Variants in NBPF26 observed in about 807,000 individuals in gnomAD.
The protein encoded by NBPF26 is NBPF family member NBPF26.
In NBPF26, 79 loss-of-function variants were observed where a neutral mutation model predicts 119.6. That is an observed-to-expected ratio of 0.66 (90% CI 0.55 to 0.80). The LOEUF (loss-of-function observed/expected upper bound fraction) is 0.80. Ranked by LOEUF, NBPF26 falls within the 30% of genes least tolerant of loss-of-function variation. NBPF26 has a pLI of 0.00. For missense variants in NBPF26, 800 were observed against 1,198.2 expected (o/e 0.67, Z 4.91); for synonymous variants, 299 against 457.7 (o/e 0.65, Z 4.43).
At chr1:120,784,660 AT>A (rs1221842022) in intron 2 of NBPF26, among the ~76,000 whole-genome samples, 1 of 116,348 alleles carries the variant, frequency 8.6e-6, no homozygotes, top group Non-Finnish European at 1.6e-5. Flanking sequence ...TTCCTGTTTA[AT>A]TTTTTTTCAC....
chr1:120,790,117 G>T (rs1341317307), intron 3 of NBPF26, among the ~76,000 whole-genome samples: 1 of 92,088 alleles, frequency 1.1e-5, no homozygotes, highest in Non-Finnish European at 1.9e-5. Flanking sequence ...CCGGGTTCAC[G>T]CCATTCTTCT....
intron 2 of NBPF26, among the ~76,000 whole-genome samples, chr1:120,764,987 A>G (rs1422680068): frequency 2.4e-5 from 2 of 83,540 alleles, no homozygotes; most frequent in Admixed American, 1.2e-4. Flanking sequence ...TTAATGTTAT[A>G]AACAAGATTT....
intron 6 of NBPF26, 138 bp downstream of exon 6, chr1:120,807,847 ATATT>A (rs1453138182): frequency 7.5e-6 from 4 of 532,890 alleles, no homozygotes; most frequent in Non-Finnish European, 1.3e-5. Context: ...CTACACACAA[ATATT>A]TATCAAACAG....
Position 120,823,874 on chromosome 1 carries a change from T to C in NBPF26, c.2640-100T>C, listed in dbSNP as rs1652194416. ...ACCTCATTAATGGATCTGTCCTTTTTCTTTTCAAACTCTTCCTTACATTAG... is the reference window on the plus strand; with the variant it reads ...ACCTCATTAATGGATCTGTCCTTTTCCTTTTCAAACTCTTCCTTACATTAG... On this transcript the variant is annotated intron_variant, in intron 17 of 29. Coordinates refer to ENST00000620612, the Ensembl canonical transcript of NBPF26. 5 of 523,304 alleles carry C rather than the reference T, an allele frequency of 9.6e-6. 1 individual carries two copies. The highest frequency in any genetic ancestry group is 1.7e-5 in the Non-Finnish European group (5 of 295,522). The allele number at this position is 523,304 out of a possible 1,614,324, so 32.4% of individuals were successfully genotyped here. A position where few individuals can be genotyped will look rare whatever the true frequency, so the allele number is the denominator to read the frequency against.
intron 15 of NBPF26, among the ~76,000 whole-genome samples, chr1:120,820,448 ATATATATATATAT>A (rs1265827581): frequency 8.7e-4 from 2 of 2,286 alleles, no homozygotes; most frequent in Non-Finnish European, 3.0e-3. Flanking sequence ...AGTATTAAAA[ATATATATATATAT>A]ATATATATAT....
At chr1:120,804,155 CCTCAA>C (rs1651621802) in intron 4 of NBPF26, among the ~76,000 whole-genome samples, 1 of 48,964 alleles carries the variant, frequency 2.0e-5, no homozygotes, top group South Asian at 5.1e-4. Context: ...CCCACTGCAC[CCTCAA>C]CTCAGGCAAG....
In NBPF26 at chr1:120,792,563, A is replaced by G. The variant is rs1473218676; in HGVS notation, c.416-598A>G. Among the ~76,000 whole-genome samples the G allele has an allele frequency of 2.5e-4, 28 of 110,426 alleles. 1 individual carries two copies. The highest frequency in any genetic ancestry group is 1.3e-3 in the African/African-American group (26 of 19,518). 72.4% of individuals were successfully genotyped at this position (110,426 alleles called of 152,430 possible). ...GTCGCCCAGGCTGGAGTGCAGTGGT[A>G]CAATCTCGGCTCACTGCAACCTCCG... On this transcript the variant is annotated intron_variant, in intron 3 of 29. Transcript: ENST00000620612.
rs1405100926 is a variant in NBPF26, at chr1:120,754,281, C to A, written c.74-9347C>A. On this transcript the variant is annotated intron_variant, in intron 1 of 29. Coordinates refer to ENST00000620612, the Ensembl canonical transcript of NBPF26. ...GACAGGCAAAATTTGTCTTGATAAT[C>A]GTACAAATACAGATAGTGGAACAGA... Among the ~76,000 whole-genome samples the A allele has an allele frequency of 2.8e-4, 10 of 35,630 alleles. 1 individual carries two copies. The highest frequency in any genetic ancestry group is 8.2e-3 in the Middle Eastern group (1 of 122). The allele number at this position is 35,630 out of a possible 152,430, so 23.4% of individuals were successfully genotyped here.
rs1192939897 is a variant in NBPF26, at chr1:120,726,093, G to A, written c.73+1843G>A. 7.0e-5 allele frequency among the ~76,000 whole-genome samples: 7 copies of A among 100,244 alleles called. 2 individuals are homozygous for A. Among genetic ancestry groups the A allele is most frequent in the Admixed American group, 2.0e-4 (2 of 10,194 alleles). The allele number at this position is 100,244 out of a possible 152,430, so 65.8% of individuals were successfully genotyped here. ...ATTGTAAAGTGATTTGAAAAATTAA[G>A]TATTAAATAATATGTCAGAAATGGG... On this transcript the variant is annotated intron_variant, in intron 1 of 29. Coordinates refer to ENST00000620612, the Ensembl canonical transcript of NBPF26.
rs1335706926 is a variant in NBPF26, at chr1:120,809,819, G to A, written c.1288G>A (p.Glu430Lys). 4,181 of 1,518,156 alleles carry A rather than the reference G, an allele frequency of 2.8e-3. 1 individual carries two copies. The South Asian group carries it at 0.043, about 16-fold the overall frequency. The allele number at this position is 1,518,156 out of a possible 1,614,324, so 94.0% of individuals were successfully genotyped here. ...ACATTTTGTATTTATAGAAAATGAC[G>A]AAGATGAGGATGAAGATGTTCAAGT... Residue 430 changes from glutamate (E) to lysine (K), a missense_variant, in exon 8 of 30, where the codon GAA becomes AAA. Glu to Lys is a moderately conservative substitution (Grantham distance 56). Coordinates refer to ENST00000620612, the Ensembl canonical transcript of NBPF26.
In NBPF26 at chr1:120,728,788, T is replaced by C. The variant is rs1252987599; in HGVS notation, c.73+4538T>C. ...AAACTTGTACTGGATTGAGAGAATATGTACATTTAGTAAAGTATATTTGCT... is the reference window on the plus strand; with the variant it reads ...AAACTTGTACTGGATTGAGAGAATACGTACATTTAGTAAAGTATATTTGCT... On this transcript the variant is annotated intron_variant, in intron 1 of 29. Coordinates refer to ENST00000620612, the Ensembl canonical transcript of NBPF26. Among the ~76,000 whole-genome samples, 24 of 116,386 alleles carry C rather than the reference T, an allele frequency of 2.1e-4. 2 individuals are homozygous for C. In the East Asian group the frequency reaches 4.9e-3, roughly 24 times the overall value. 76.4% of individuals were successfully genotyped at this position (116,386 alleles called of 152,430 possible). A position where few individuals can be genotyped will look rare whatever the true frequency, so the allele number is the denominator to read the frequency against.
At chr1:120,834,737 A>T in intron 24 of NBPF26, 1 of 146 alleles carries the variant, frequency 6.8e-3, no homozygotes, top group South Asian at 0.045. Flanking sequence ...GACTCCTGCC[A>T]GCCCTATGGA....
chr1:120,752,549 TA>T (rs1651031196), intron 1 of NBPF26, among the ~76,000 whole-genome samples: 27 of 18,338 alleles, frequency 1.5e-3, no homozygotes, highest in Admixed American at 3.5e-3. Context: ...TATATATATA[TA>T]TATATTTTTT....
chr1:120,793,579 A>T, intron 4 of NBPF26, 83 bp downstream of exon 4: 1 of 1,028,692 alleles, frequency 9.7e-7, no homozygotes, highest in Non-Finnish European at 1.4e-6. Context: ...TGCATTTTTT[A>T]GGAAGCGCAA....
Position 120,818,621 on chromosome 1 carries a change from G to A in NBPF26, c.2423+447G>A, listed in dbSNP as rs1652062866. ...TTCTGCTTTCTCTTGTGGGCATTTAGTGCTATAATTTTCCCTCTACACATT... is the reference window on the plus strand; with the variant it reads ...TTCTGCTTTCTCTTGTGGGCATTTAATGCTATAATTTTCCCTCTACACATT... On this transcript the variant is annotated intron_variant, in intron 15 of 29. Transcript: ENST00000620612. Among the ~76,000 whole-genome samples, 2 of 126,084 alleles carry A rather than the reference G, an allele frequency of 1.6e-5. 1 individual carries two copies. Among genetic ancestry groups the A allele is most frequent in the Admixed American group, 1.5e-4 (2 of 13,064 alleles). The allele number at this position is 126,084 out of a possible 152,430, so 82.7% of individuals were successfully genotyped here. A position where few individuals can be genotyped will look rare whatever the true frequency, so the allele number is the denominator to read the frequency against.
At chr1:120,833,367 C>CTCTGTG (rs1164151164) in intron 23 of NBPF26, among the ~76,000 whole-genome samples, 1 of 39,160 alleles carries the variant, frequency 2.6e-5, no homozygotes, top group African/African-American at 3.2e-4. Flanking sequence ...AGGTCACTTT[C>CTCTGTG]TCTCTGTCTC....
chr1:120,793,356 C>T lies in NBPF26; in HGVS notation c.611C>T (p.Ser204Phe). The change falls in exon 4 of 30, where the codon TCC becomes TTC. Residue 204 changes from serine to phenylalanine, a missense_variant. By Grantham distance (155) the Ser-to-Phe change is radical (BLOSUM62 -2). Coordinates refer to ENST00000620612, the Ensembl canonical transcript of NBPF26. ...GGCACCTGCCTCAACCTGCCTGGTT[C>T]CTACCAGTGCCAGTGCCTTCAGGGC... The T allele has an allele frequency of 1.4e-6, 2 of 1,421,498 alleles. 1 individual carries two copies. Among genetic ancestry groups the T allele is most frequent in the South Asian group, 2.4e-5 (2 of 82,568 alleles). The allele number at this position is 1,421,498 out of a possible 1,614,324, so 88.1% of individuals were successfully genotyped here. A position where few individuals can be genotyped will look rare whatever the true frequency, so the allele number is the denominator to read the frequency against.
exon 1 of NBPF26, chr1:120,723,962 C>G (rs1398018007): frequency 1.1e-6 from 1 of 907,898 alleles, no homozygotes; most frequent in Admixed American, 4.4e-5. Flanking sequence ...CTTCCGGCGG[C>G]GGCTGAGGCG....
Position 120,818,678 on chromosome 1 carries a change from T to C in NBPF26, c.2423+504T>C, listed in dbSNP as rs1158387796. On this transcript the variant is annotated intron_variant, in intron 15 of 29. Coordinates refer to ENST00000620612, the Ensembl canonical transcript of NBPF26. Reference sequence around the variant, plus strand: ...AATGTGTCCCAGAGATTCTGGTATGTTGTATCTTTGTTCTCATTGGTTTCA... The same window carrying C: ...AATGTGTCCCAGAGATTCTGGTATGCTGTATCTTTGTTCTCATTGGTTTCA... Among the ~76,000 whole-genome samples, 13 of 125,452 alleles carry C rather than the reference T, an allele frequency of 1.0e-4. 2 individuals are homozygous for C. Among genetic ancestry groups the C allele is most frequent in the Non-Finnish European group, 1.3e-4 (8 of 61,430 alleles). 82.3% of individuals were successfully genotyped at this position (125,452 alleles called of 152,430 possible). A position where few individuals can be genotyped will look rare whatever the true frequency, so the allele number is the denominator to read the frequency against.
Sources: allele counts gnomAD v4.1 joint callset (sites outside exome capture counted in the v4.1 genomes callset), GRCh38; gene constraint gnomAD v4.1.1; transcripts MANE v1.5; gene names NCBI Gene and HGNC (gene_info 2026-07-23, HGNC 2026-07-21).